MLLT10: variants seen among roughly 807,000 people sequenced by gnomAD.
MLLT10 encodes MLLT10 histone lysine methyltransferase DOT1L cofactor.
Under a neutral mutation model 129.1 loss-of-function variants are expected in MLLT10, and 30 were observed. The observed-to-expected ratio is 0.23, with a 90% CI of 0.17 to 0.32. The LOEUF (loss-of-function observed/expected upper bound fraction) is 0.32. Ranked by LOEUF, MLLT10 falls within the 10% of genes least tolerant of loss-of-function variation. The pLI is 1.00. For missense variants in MLLT10, 1,119 were observed against 1,268.3 expected, an observed-to-expected ratio of 0.88 and a Z score of 1.79; for synonymous variants, 490 against 446.4, an observed-to-expected ratio of 1.10 and a Z score of -1.23.
At chr10:21,646,211 GAAAACA>G (rs2048457502) in intron 8 of MLLT10, among the ~76,000 whole-genome samples, 1 of 151,872 alleles carries the variant, frequency 6.6e-6, no homozygotes, top group African/African-American at 2.4e-5. Flanking sequence ...TCCCAAAAAA[GAAAACA>G]AAAACAAAAA....
intron 5 of MLLT10, among the ~76,000 whole-genome samples, chr10:21,610,984 C>CT (rs71393913): frequency 0.06 from 6,215 of 102,790 alleles, 429 homozygotes; most frequent in African/African-American, 0.16. Flanking sequence ...TCTTTTTTCT[C>CT]TTTTTTTTTT....
intron 13 of MLLT10, among the ~76,000 whole-genome samples, chr10:21,690,401 T>C (rs545476300): frequency 6.6e-6 from 1 of 152,146 alleles, no homozygotes; most frequent in Non-Finnish European, 1.5e-5. Context: ...ATTTTTAAAT[T>C]ATTAGAAATT....
intron 11 of MLLT10, among the ~76,000 whole-genome samples, chr10:21,679,670 G>A (rs1589605449): frequency 6.6e-6 from 1 of 152,296 alleles, no homozygotes; most frequent in African/African-American, 2.4e-5. Context: ...GGGGCATACT[G>A]TGTCCTTTCA....
In MLLT10 at chr10:21,690,785, C is replaced by G. The variant is rs76207707; in HGVS notation, c.1699+8528C>G. 4.3e-3 allele frequency among the ~76,000 whole-genome samples: 657 copies of G among 152,168 alleles called. 2 individuals are homozygous for G. Among genetic ancestry groups the G allele is most frequent in the African/African-American group, 0.015 (633 of 41,534 alleles). On this transcript the variant is annotated intron_variant, in intron 13 of 22. Coordinates refer to ENST00000307729, the MANE Select transcript of MLLT10 (RefSeq NM_001195626.3). Reference sequence around the variant, plus strand: ...TTCTAATTTACTAATTTGAGGCTTTCTAGACATGACTTTTGTATTTAATTT... The same window carrying G: ...TTCTAATTTACTAATTTGAGGCTTTGTAGACATGACTTTTGTATTTAATTT...
At chr10:21,703,201 C>G (rs1431465381) in intron 13 of MLLT10, among the ~76,000 whole-genome samples, 1 of 151,798 alleles carries the variant, frequency 6.6e-6, no homozygotes, top group Non-Finnish European at 1.5e-5. Context: ...GATGAATTTC[C>G]TCAGCTTTTG....
chr10:21,568,434 A>G (rs2039835176), intron 3 of MLLT10, among the ~76,000 whole-genome samples: 1 of 152,096 alleles, frequency 6.6e-6, no homozygotes. Flanking sequence ...TTTTTCTGTT[A>G]TCTATTTCAT....
At chr10:21,699,574 G>A (rs2054700586) in intron 13 of MLLT10, among the ~76,000 whole-genome samples, 1 of 151,814 alleles carries the variant, frequency 6.6e-6, no homozygotes, top group Non-Finnish European at 1.5e-5. Context: ...ATGGGGTACA[G>A]TTCTATTCTT....
chr10:21,542,239 G>T (rs1235066109), intron 3 of MLLT10, among the ~76,000 whole-genome samples: 1 of 152,110 alleles, frequency 6.6e-6, no homozygotes, highest in Non-Finnish European at 1.5e-5. Flanking sequence ...TGAGGACATG[G>T]TCAAAGTGTC....
chr10:21,574,251 A>C (rs1267054022), intron 3 of MLLT10, among the ~76,000 whole-genome samples: 1 of 152,206 alleles, frequency 6.6e-6, no homozygotes, highest in African/African-American at 2.4e-5. Context: ...ATTGGTTAGC[A>C]TAAAGTCATT....
At chr10:21,541,055 G>C (rs2035061146) in intron 3 of MLLT10, among the ~76,000 whole-genome samples, 1 of 152,108 alleles carries the variant, frequency 6.6e-6, no homozygotes, top group African/African-American at 2.4e-5. Flanking sequence ...AGCCACTTGG[G>C]AGACTGAGGC....
rs1375269050 is a variant in MLLT10 at position 21,659,039 on chromosome 10, C to CT, written c.795+7280dup. On this transcript the variant is annotated intron_variant, in intron 9 of 22. Coordinates refer to ENST00000307729, the MANE Select transcript of MLLT10 (RefSeq NM_001195626.3). ...TTTATTAAGCTCTCCCCACCACCTG[C>CT]TTTTTTTTTATTGGCTTGTTTTGTT... is the stretch of plus-strand genomic sequence containing the variant. 5.3e-5 allele frequency among the ~76,000 whole-genome samples: 8 copies of CT among 150,512 alleles called. No homozygotes were observed. In the South Asian group the frequency reaches 6.3e-4, roughly 12 times the overall value.
At chr10:21,640,433 C>G (rs2047896311) in intron 8 of MLLT10, among the ~76,000 whole-genome samples, 1 of 150,868 alleles carries the variant, frequency 6.6e-6, no homozygotes, top group Non-Finnish European at 1.5e-5. Context: ...TGTAAAGTAG[C>G]TAATTAAGAG....
intron 11 of MLLT10, among the ~76,000 whole-genome samples, chr10:21,680,192 T>C (rs921330798): frequency 1.8e-4 from 28 of 152,080 alleles, no homozygotes; most frequent in African/African-American, 6.8e-4. Context: ...ATTCATTTGT[T>C]ATCTTTCTCT....
intron 6 of MLLT10, among the ~76,000 whole-genome samples, 193 bp from the exon 7 acceptor site, chr10:21,614,638 A>G (rs2045044032): frequency 6.6e-6 from 1 of 152,226 alleles, no homozygotes; most frequent in Non-Finnish European, 1.5e-5. Flanking sequence ...ATAACTTTAA[A>G]AAAAGATCAG....
intron 3 of MLLT10, among the ~76,000 whole-genome samples, chr10:21,547,117 G>A (rs1371844432): frequency 6.6e-6 from 1 of 151,922 alleles, no homozygotes; most frequent in Non-Finnish European, 1.5e-5. Flanking sequence ...TAATCCTCCT[G>A]CCTTGGCCTC....
intron 13 of MLLT10, among the ~76,000 whole-genome samples, chr10:21,705,851 C>G (rs975713286): frequency 6.6e-6 from 1 of 152,184 alleles, no homozygotes; most frequent in Non-Finnish European, 1.5e-5. Context: ...TGTGGCTGTG[C>G]TGTCAACACA....
At chr10:21,695,163 G>C (rs1453637339) in intron 13 of MLLT10, among the ~76,000 whole-genome samples, 2 of 151,260 alleles carry the variant, frequency 1.3e-5, no homozygotes, top group Admixed American at 1.3e-4. Flanking sequence ...TCTGCCTTGC[G>C]GGTTCAAGCG....
At chr10:21,655,792 A>G (rs1451402137) in intron 9 of MLLT10, among the ~76,000 whole-genome samples, 1 of 152,194 alleles carries the variant, frequency 6.6e-6, no homozygotes, top group Non-Finnish European at 1.5e-5. Flanking sequence ...TGAGATAGCT[A>G]CAGAGTAAAC....
intron 3 of MLLT10, among the ~76,000 whole-genome samples, chr10:21,562,300 G>A (rs952370490): frequency 4.6e-5 from 7 of 151,590 alleles, no homozygotes; most frequent in African/African-American, 1.2e-4. Flanking sequence ...TTTATTGAAT[G>A]TGTAGATTGC....
Sources: gnomAD v4.1 joint callset for allele counts (sites outside exome capture counted in the v4.1 genomes callset) on GRCh38, gnomAD v4.1.1 for gene constraint, MANE v1.5 for transcripts, NCBI Gene and HGNC (gene_info 2026-07-23, HGNC 2026-07-21) for gene names.